Variants in TTPA observed in about 807,000 individuals in gnomAD.
The protein encoded by TTPA is alpha tocopherol transfer protein.
Under a neutral mutation model 25.9 loss-of-function variants are expected in TTPA, and 23 were observed. That is an observed-to-expected ratio of 0.89 (90% confidence interval 0.64 to 1.26). The LOEUF (loss-of-function observed/expected upper bound fraction) is 1.26. TTPA is among the 50% of genes most tolerant of loss of function. The probability of loss-of-function intolerance (pLI) is 0.00; values close to 1 mark genes in which losing one functional copy is unlikely to be tolerated. For synonymous variants in TTPA, 148 were observed against 137.3 expected (o/e 1.08, Z -0.54); for missense variants, 337 against 353.1 (o/e 0.95, Z 0.37).
chr8:63,084,998 T>A (rs573222150), intron 1 of TTPA, among the ~76,000 whole-genome samples: 1 of 152,226 alleles, frequency 6.6e-6, no homozygotes, highest in Non-Finnish European at 1.5e-5. Flanking sequence ...AACAAGCCAC[T>A]TAGAGAAAGG....
chr8:63,067,853 G>A (rs1279370017), intron 2 of TTPA, among the ~76,000 whole-genome samples: 1 of 152,120 alleles, frequency 6.6e-6, no homozygotes, highest in Non-Finnish European at 1.5e-5. Context: ...ACTTATAAGT[G>A]AGAACATGTG....
chr8:63,071,241 A>T (rs1362771756), intron 2 of TTPA, among the ~76,000 whole-genome samples: 3 of 152,220 alleles, frequency 2.0e-5, no homozygotes, highest in Non-Finnish European at 4.4e-5. Context: ...AAAAAAAATT[A>T]AAAAACAGCC....
chr8:63,082,422 G>A (rs1435350792), intron 1 of TTPA, among the ~76,000 whole-genome samples: 3 of 152,148 alleles, frequency 2.0e-5, no homozygotes, highest in Admixed American at 6.5e-5. Flanking sequence ...ATGGCGCTGG[G>A]AAAACTGGCT....
chr8:63,079,062 C>A (rs1805617857), intron 1 of TTPA, among the ~76,000 whole-genome samples: 1 of 152,152 alleles, frequency 6.6e-6, no homozygotes. Flanking sequence ...GAATTTTCAA[C>A]ACAGAATTTC....
At chr8:63,077,942 A>C (rs1291014404) in intron 1 of TTPA, among the ~76,000 whole-genome samples, 1 of 152,124 alleles carries the variant, frequency 6.6e-6, no homozygotes, top group Non-Finnish European at 1.5e-5. Context: ...GGCAGGTGAC[A>C]CTCTGGGACG....
chr8:63,061,010 G>A lies in TTPA; in HGVS notation c.*242C>T, dbSNP rs149703946. 2.8e-3 allele frequency: 1,133 copies of A among 409,258 alleles called. 10 individuals carry two copies. The highest frequency in any genetic ancestry group is 0.02 in the African/African-American group (1,020 of 49,970). The allele number at this position is 409,258 out of a possible 1,614,324, so 25.4% of individuals were successfully genotyped here. A position where few individuals can be genotyped will look rare whatever the true frequency, so the allele number is the denominator to read the frequency against. ...TCATGTTCTCTTCAAGTACAAAATCGCCGATTTTTATGCTCTTAAAATGTA... is the reference window on the plus strand; with the variant it reads ...TCATGTTCTCTTCAAGTACAAAATCACCGATTTTTATGCTCTTAAAATGTA... On this transcript the variant is annotated 3_prime_UTR_variant, in exon 5 of 5. Coordinates refer to ENST00000260116, the MANE Select transcript of TTPA (RefSeq NM_000370.3).
Position 63,085,993 on chromosome 8 carries a change from G to T in TTPA, c.29C>A (p.Ala10Glu), listed in dbSNP as rs1183280896. 2 of 1,496,338 alleles carry T rather than the reference G, an allele frequency of 1.3e-6. No individual in the cohort carries two copies. Among genetic ancestry groups the T allele is most frequent in the East Asian group, 5.5e-5 (2 of 36,038 alleles). The allele number at this position is 1,496,338 out of a possible 1,614,324, so 92.7% of individuals were successfully genotyped here. A position where few individuals can be genotyped will look rare whatever the true frequency, so the allele number is the denominator to read the frequency against. MAEARSQPS[A>E]GPQLNALPDH... ...CGGTAGCGCGTTGAGCTGCGGCCCC[G>T]CCGAGGGCTGGGATCGCGCCTCTGC... is the stretch of plus-strand genomic sequence containing the variant. The change falls in exon 1 of 5, where the codon GCG (alanine) becomes GAG (glutamate). Residue 10 changes from alanine to glutamate, a missense_variant. By Grantham distance (107) the Ala-to-Glu change is moderately radical. Coordinates refer to ENST00000260116, the MANE Select transcript of TTPA (RefSeq NM_000370.3).
intron 1 of TTPA, among the ~76,000 whole-genome samples, chr8:63,075,171 G>C (rs952366138): frequency 6.6e-6 from 1 of 152,134 alleles, no homozygotes; most frequent in South Asian, 2.1e-4. Flanking sequence ...CAACAAAGAA[G>C]TGGCTAAAAA....
intron 3 of TTPA, among the ~76,000 whole-genome samples, chr8:63,064,983 C>A (rs1585687416): frequency 6.6e-6 from 1 of 152,242 alleles, no homozygotes; most frequent in East Asian, 1.9e-4. Context: ...AACATAATTG[C>A]TAATATACTT....
chr8:63,070,478 A>G (rs946170597), intron 2 of TTPA, among the ~76,000 whole-genome samples: 10 of 152,156 alleles, frequency 6.6e-5, no homozygotes, highest in African/African-American at 1.4e-4. Context: ...AAAAGTTTTC[A>G]TTTTACTCAT....
chr8:63,072,906 GA>G lies in TTPA; in HGVS notation c.358+28del, dbSNP rs760779083. The G allele has an allele frequency of 5.7e-4, 824 of 1,456,320 alleles. 3 individuals are homozygous for G. Among genetic ancestry groups the G allele is most frequent in the East Asian group, 2.2e-3 (88 of 40,756 alleles). The allele number at this position is 1,456,320 out of a possible 1,614,324, so 90.2% of individuals were successfully genotyped here. A position where few individuals can be genotyped will look rare whatever the true frequency, so the allele number is the denominator to read the frequency against. On this transcript the variant is annotated intron_variant, in intron 2 of 4. Transcript: ENST00000260116. ...AACACAACTGAACTGGAGGAGAGGA[GA>G]AAAAAAAAAGAGTTGTGTATGACTT...
At chr8:63,080,719 C>T (rs1049156536) in intron 1 of TTPA, among the ~76,000 whole-genome samples, 6 of 69,906 alleles carry the variant, frequency 8.6e-5, no homozygotes, top group African/African-American at 2.7e-4. Context: ...GACTCCGTAT[C>T]AAAAAAAAAA....
chr8:63,060,768 C>T lies in TTPA; in HGVS notation c.*484G>A, dbSNP rs1805293272. The T allele has an allele frequency of 6.3e-6, 1 of 158,614 alleles. No homozygotes were observed. Among genetic ancestry groups the T allele is most frequent in the African/African-American group, 2.4e-5 (1 of 41,406 alleles). The allele number at this position is 158,614 out of a possible 1,614,324, so 9.8% of individuals were successfully genotyped here. ...CTGGTCCACAGGAATAACCATAAAA[C>T]TCTATTCAGATTTTAATTATAATGA... On this transcript the variant is annotated 3_prime_UTR_variant, in exon 5 of 5. Transcript: ENST00000260116.
chr8:63,061,102 C>T lies in TTPA; in HGVS notation c.*150G>A. On this transcript the variant is annotated 3_prime_UTR_variant, in exon 5 of 5. Coordinates refer to ENST00000260116, the MANE Select transcript of TTPA (RefSeq NM_000370.3). ...AAAAGTAAAAAATCTTTCCAAACACCTGTGTTGCTCATGTCAGAAGATTTC... is the reference window on the plus strand; with the variant it reads ...AAAAGTAAAAAATCTTTCCAAACACTTGTGTTGCTCATGTCAGAAGATTTC... The T allele has an allele frequency of 1.3e-6, 1 of 780,950 alleles. No homozygotes were observed. Among genetic ancestry groups the T allele is most frequent in the Non-Finnish European group, 2.1e-6 (1 of 482,468 alleles). The allele number at this position is 780,950 out of a possible 1,614,324, so 48.4% of individuals were successfully genotyped here. A position where few individuals can be genotyped will look rare whatever the true frequency, so the allele number is the denominator to read the frequency against.
intron 2 of TTPA, among the ~76,000 whole-genome samples, chr8:63,070,320 G>A (rs1024329900): frequency 1.3e-5 from 2 of 152,190 alleles, no homozygotes; most frequent in African/African-American, 2.4e-5. Context: ...TGCCCGGCCC[G>A]CATGGAGGAA....
chr8:63,072,565 T>G (rs1805499281), intron 2 of TTPA, among the ~76,000 whole-genome samples: 1 of 152,222 alleles, frequency 6.6e-6, no homozygotes, highest in African/African-American at 2.4e-5. Flanking sequence ...CACTTCCTAC[T>G]AAGCATTTTT....
At chr8:63,072,655 T>C (rs1022201205) in intron 2 of TTPA, among the ~76,000 whole-genome samples, 1 of 152,226 alleles carries the variant, frequency 6.6e-6, no homozygotes, top group Non-Finnish European at 1.5e-5. Flanking sequence ...TTTTGTACAG[T>C]TGACTGTGTG....
At chr8:63,082,399 C>T (rs1203564153) in intron 1 of TTPA, among the ~76,000 whole-genome samples, 1 of 152,158 alleles carries the variant, frequency 6.6e-6, no homozygotes, top group Non-Finnish European at 1.5e-5. Context: ...GGAAAGGATT[C>T]CCTATTTAAT....
At chr8:63,083,980 G>T (rs1295242792) in intron 1 of TTPA, among the ~76,000 whole-genome samples, 1 of 151,716 alleles carries the variant, frequency 6.6e-6, no homozygotes, top group Non-Finnish European at 1.5e-5. Flanking sequence ...CACCTCCTGG[G>T]CTCAAGCGAT....
Sources: allele counts gnomAD v4.1 joint callset (sites outside exome capture counted in the v4.1 genomes callset), GRCh38; gene constraint gnomAD v4.1.1; transcripts MANE v1.5; gene names NCBI Gene and HGNC (gene_info 2026-07-23, HGNC 2026-07-21).